Variants in ABL1 observed in about 807,000 individuals in gnomAD.
ABL1 encodes ABL proto-oncogene 1, non-receptor tyrosine kinase, also known as tyrosine-protein kinase ABL1.
ABL1 carries 11 observed loss-of-function variants against 94.7 expected under a neutral mutation model. The observed-to-expected ratio is 0.12, with a 90% confidence interval of 0.07 to 0.19. ABL1 has a LOEUF of 0.19. ABL1 is among the 10% of genes least tolerant of loss of function. The probability of loss-of-function intolerance (pLI) is 1.00; values close to 1 mark genes in which losing one functional copy is unlikely to be tolerated. For synonymous variants in ABL1, 656 were observed against 622.4 expected, an observed-to-expected ratio of 1.05 and a Z score of -0.80; for missense variants, 1,082 against 1,489.4, an observed-to-expected ratio of 0.73 and a Z score of 4.50.
chr9:130,766,994 C>A (rs752867582), intron 1 of ABL1, among the ~76,000 whole-genome samples: 1 of 152,220 alleles, frequency 6.6e-6, no homozygotes, highest in African/African-American at 2.4e-5. Context: ...TCGAATTTCC[C>A]TCCTGTCACT....
intron 1 of ABL1, among the ~76,000 whole-genome samples, chr9:130,830,001 G>A (rs534546156): frequency 6.0e-4 from 91 of 152,212 alleles, no homozygotes; most frequent in African/African-American, 2.0e-3. Flanking sequence ...AGGGGAAAGG[G>A]ATTGCTGTTT....
At chr9:130,719,232 A>G (rs937205206) in intron 1 of ABL1, among the ~76,000 whole-genome samples, 1 of 152,158 alleles carries the variant, frequency 6.6e-6, no homozygotes, top group East Asian at 1.9e-4. Context: ...AAAAATTCGA[A>G]GATTTAAAAA....
intron 1 of ABL1, among the ~76,000 whole-genome samples, chr9:130,797,530 A>G (rs533432092): frequency 3.7e-4 from 56 of 152,204 alleles, no homozygotes; most frequent in Middle Eastern, 3.4e-3. Flanking sequence ...GTGTGCCGCC[A>G]TGCTTAGCTA....
intron 1 of ABL1, among the ~76,000 whole-genome samples, chr9:130,800,248 A>C: frequency 1.3e-5 from 2 of 152,288 alleles, no homozygotes; most frequent in East Asian, 1.9e-4. Context: ...TACTTTTAAA[A>C]AAATTAAGGT....
chr9:130,816,585 T>C (rs2132869251), intron 1 of ABL1, among the ~76,000 whole-genome samples: 1 of 151,862 alleles, frequency 6.6e-6, no homozygotes, highest in South Asian at 2.1e-4. Context: ...CCTCCAGCCA[T>C]GAGCCCTGAA....
At chr9:130,773,196 T>G (rs890241817) in intron 1 of ABL1, among the ~76,000 whole-genome samples, 1 of 152,100 alleles carries the variant, frequency 6.6e-6, no homozygotes, top group African/African-American at 2.4e-5. Flanking sequence ...GGCACATGCC[T>G]GTAATCCTGC....
intron 1 of ABL1, among the ~76,000 whole-genome samples, chr9:130,789,299 A>AG (rs1829871747): frequency 1.3e-5 from 2 of 152,234 alleles, no homozygotes. Flanking sequence ...AAGAAAAAAA[A>AG]TCACATGAGA....
At chr9:130,721,116 C>A (rs886986180) in intron 1 of ABL1, among the ~76,000 whole-genome samples, 16 of 152,116 alleles carry the variant, frequency 1.1e-4, no homozygotes, top group Admixed American at 9.8e-4. Flanking sequence ...CTGTGACTCA[C>A]GCCTGTCATC....
At chr9:130,787,645 G>A (rs1829848409) in intron 1 of ABL1, among the ~76,000 whole-genome samples, 1 of 152,164 alleles carries the variant, frequency 6.6e-6, no homozygotes, top group Non-Finnish European at 1.5e-5. Flanking sequence ...GCTCTCTCCA[G>A]CCTCGTGCTC....
Position 130,880,933 on chromosome 9 carries a change from G to A in ABL1, c.1678+269G>A, listed in dbSNP as rs1432467509. 1.3e-5 allele frequency among the ~76,000 whole-genome samples: 2 copies of A among 152,206 alleles called. No individual in the cohort carries two copies. The highest frequency in any genetic ancestry group is 4.8e-5 in the African/African-American group (2 of 41,458). ...AGGTGCTTCTGAAGCCCGCCAAGGA[G>A]CTAGCCCATCTCCCACCTATTACCC... is the stretch of plus-strand genomic sequence containing the variant. On this transcript the variant is annotated intron_variant, in intron 10 of 10. Transcript: ENST00000318560. The surrounding 1 kb of genome is among the most constrained non-coding windows in gnomAD (Gnocchi z 4.4).
At chr9:130,808,504 A>G (rs2132846758) in intron 1 of ABL1, among the ~76,000 whole-genome samples, 1 of 152,278 alleles carries the variant, frequency 6.6e-6, no homozygotes, top group South Asian at 2.1e-4. Context: ...TTGGCCTCCC[A>G]AAGTGCTGGG....
chr9:130,834,350 A>G (rs1407034901), upstream of ABL1, among the ~76,000 whole-genome samples: 3 of 152,084 alleles, frequency 2.0e-5, no homozygotes, highest in African/African-American at 7.2e-5. Flanking sequence ...AGGGGAACTT[A>G]CCTGATTTTA....
In ABL1 at chr9:130,753,705, C is replaced by T. The variant is rs546789475; in HGVS notation, c.136+39250C>T. Among the ~76,000 whole-genome samples the T allele has an allele frequency of 2.7e-4, 40 of 150,336 alleles. 1 individual carries two copies. The South Asian group carries it at 7.9e-3, about 30-fold the overall frequency. On this transcript the variant is annotated intron_variant, in intron 1 of 10. Coordinates refer to the ABL1 transcript ENST00000372348. The stretch of plus-strand genomic sequence containing the variant: ...CCTCCCAGAGTGCTGGGATTACAGG[C>T]GTGAGCCACCATGCCAGGCCTCATC...
upstream of ABL1, among the ~76,000 whole-genome samples, chr9:130,833,649 A>G (rs1055707258): frequency 3.3e-5 from 5 of 152,198 alleles, no homozygotes; most frequent in Non-Finnish European, 2.9e-5. Flanking sequence ...GGTCCATTCA[A>G]TGGCAGTAAA....
intron 1 of ABL1, among the ~76,000 whole-genome samples, chr9:130,738,005 C>A (rs1335422534): frequency 6.6e-6 from 1 of 151,810 alleles, no homozygotes; most frequent in Admixed American, 6.6e-5. Flanking sequence ...TAATTTTTTG[C>A]GTTTTTAATA....
At chr9:130,829,652 T>C (rs1449593189) in intron 1 of ABL1, among the ~76,000 whole-genome samples, 1 of 151,952 alleles carries the variant, frequency 6.6e-6, no homozygotes, top group East Asian at 1.9e-4. Context: ...TTGACAGATC[T>C]TTGAAGTATT....
chr9:130,877,768 G>GTT (rs1831373205), intron 7 of ABL1, among the ~76,000 whole-genome samples: 1 of 145,854 alleles, frequency 6.9e-6, no homozygotes, highest in South Asian at 2.1e-4. Flanking sequence ...AGCCTCCAAA[G>GTT]TAGCCAGGAC....
chr9:130,744,469 A>T (rs1219684567), intron 1 of ABL1, among the ~76,000 whole-genome samples: 1 of 151,380 alleles, frequency 6.6e-6, no homozygotes, highest in South Asian at 2.1e-4. Context: ...TTGTCACATG[A>T]TGAATGCTTT....
chr9:130,730,384 A>AG (rs1831649169), intron 1 of ABL1, among the ~76,000 whole-genome samples: 1 of 152,014 alleles, frequency 6.6e-6, no homozygotes, highest in African/African-American at 2.4e-5. Flanking sequence ...GTAGTTGTGC[A>AG]GTAGTATCTC....
Sources: gnomAD v4.1 joint callset for allele counts (sites outside exome capture counted in the v4.1 genomes callset) on GRCh38, gnomAD v4.1.1 for gene constraint, Gnocchi (gnomAD v3.1) non-coding constraint, MANE v1.5 for transcripts, NCBI Gene and HGNC (gene_info 2026-07-23, HGNC 2026-07-21) for gene names.